The following MARCHF1 variants were observed in gnomAD, a reference collection of about 807,000 sequenced individuals.
The protein encoded by MARCHF1 is E3 ubiquitin-protein ligase MARCHF1.
Under a neutral mutation model 54.2 loss-of-function variants are expected in MARCHF1, and 40 were observed. The ratio of observed to expected loss-of-function variants is 0.74; its 90% CI spans 0.57 to 0.96. MARCHF1 has a LOEUF of 0.96. MARCHF1 is among the 40% of genes least tolerant of loss of function. The pLI, the probability that MARCHF1 is intolerant of heterozygous loss-of-function variation, is 0.00. For missense variants in MARCHF1, 586 were observed against 656.5 expected (o/e 0.89, Z 1.17); for synonymous variants, 236 against 236.3 (o/e 1.00, Z 0.01).
intron 7 of MARCHF1, among the ~76,000 whole-genome samples, chr4:163,588,896 G>A (rs1014370020): frequency 4.6e-5 from 7 of 152,036 alleles, no homozygotes; most frequent in Non-Finnish European, 1.0e-4. Context: ...TAAAGACAAT[G>A]TATGAATATT....
intron 5 of MARCHF1, among the ~76,000 whole-genome samples, chr4:163,693,000 C>T (rs1418099199): frequency 1.3e-5 from 2 of 151,300 alleles, no homozygotes; most frequent in African/African-American, 4.9e-5. Context: ...CTGGCATGGA[C>T]GTTAATATAC....
chr4:164,116,741 T>C (rs1755946677), intron 1 of MARCHF1, among the ~76,000 whole-genome samples: 1 of 151,986 alleles, frequency 6.6e-6, no homozygotes, highest in Non-Finnish European at 1.5e-5. Flanking sequence ...AACACTGTTG[T>C]AGAGAAAAAA....
At chr4:164,087,317 T>C (rs1204776374) in intron 2 of MARCHF1, among the ~76,000 whole-genome samples, 2 of 152,216 alleles carry the variant, frequency 1.3e-5, no homozygotes, top group Admixed American at 1.3e-4. Context: ...CCATCCCTTA[T>C]AGTGTGTACA....
At chr4:164,125,163 T>C (rs1424911335) in intron 1 of MARCHF1, among the ~76,000 whole-genome samples, 2 of 152,136 alleles carry the variant, frequency 1.3e-5, no homozygotes, top group African/African-American at 4.8e-5. Flanking sequence ...TTTATTCCAG[T>C]AAAGTGAGAG....
intron 1 of MARCHF1, among the ~76,000 whole-genome samples, chr4:164,257,079 G>A (rs1733308999): frequency 6.6e-6 from 1 of 151,998 alleles, no homozygotes; most frequent in Non-Finnish European, 1.5e-5. Context: ...AAGTCAAAGA[G>A]AAAGAAAAGC....
At chr4:164,176,939 G>GCACT (rs1491410602) in intron 1 of MARCHF1, among the ~76,000 whole-genome samples, 55 of 53,654 alleles carry the variant, frequency 1.0e-3, no homozygotes, top group African/African-American at 3.0e-3. Context: ...AGTACCTTGT[G>GCACT]CGCTCTCTCT....
intron 1 of MARCHF1, among the ~76,000 whole-genome samples, chr4:164,119,554 A>T (rs1053026612): frequency 1.3e-5 from 2 of 151,700 alleles, no homozygotes; most frequent in African/African-American, 4.8e-5. Context: ...AAAAATTTTA[A>T]AGATTAATAA....
At chr4:164,083,570 A>G (rs1159085848) in intron 2 of MARCHF1, among the ~76,000 whole-genome samples, 1 of 152,128 alleles carries the variant, frequency 6.6e-6, no homozygotes, top group Admixed American at 6.6e-5. Context: ...AGGTAGATGC[A>G]ATAGCTGGAA....
chr4:163,718,310 A>G (rs977279063), intron 4 of MARCHF1, among the ~76,000 whole-genome samples: 2 of 152,212 alleles, frequency 1.3e-5, no homozygotes, highest in African/African-American at 4.8e-5. Context: ...AATGGGATCT[A>G]ATTAAACTAA....
At chr4:163,833,796 C>T (rs995120075) in intron 4 of MARCHF1, among the ~76,000 whole-genome samples, 3 of 152,162 alleles carry the variant, frequency 2.0e-5, no homozygotes, top group African/African-American at 7.2e-5. Context: ...TCAGAGATCA[C>T]AATGGAAATG....
chr4:163,660,904 C>G (rs1003932377), intron 5 of MARCHF1, among the ~76,000 whole-genome samples: 15 of 151,920 alleles, frequency 9.9e-5, no homozygotes, highest in Admixed American at 6.6e-5. Context: ...TCAAAGTAGA[C>G]CTAGGTTATA....
chr4:164,086,477 C>T (rs1755194637), intron 2 of MARCHF1, among the ~76,000 whole-genome samples: 1 of 151,916 alleles, frequency 6.6e-6, no homozygotes, highest in African/African-American at 2.4e-5. Context: ...CAATATGCTT[C>T]ACTACTGTAC....
At chr4:164,214,668 A>G (rs1731877235) in intron 1 of MARCHF1, among the ~76,000 whole-genome samples, 1 of 152,228 alleles carries the variant, frequency 6.6e-6, no homozygotes, top group Non-Finnish European at 1.5e-5. Flanking sequence ...GGATTTTTAG[A>G]TAACTGTGGT....
chr4:163,738,965 C>T (rs530056298), intron 4 of MARCHF1, among the ~76,000 whole-genome samples: 1 of 152,256 alleles, frequency 6.6e-6, no homozygotes, highest in African/African-American at 2.4e-5. Flanking sequence ...GAAAAAATTC[C>T]TTAAGTCGAT....
intron 1 of MARCHF1, among the ~76,000 whole-genome samples, chr4:164,175,347 CT>C (rs994056832): frequency 2.6e-5 from 4 of 152,184 alleles, no homozygotes; most frequent in Admixed American, 2.0e-4. Flanking sequence ...ACCTTGCCCC[CT>C]ATCTTCCCAT....
At chr4:163,659,137 T>C (rs1363511494) in intron 5 of MARCHF1, among the ~76,000 whole-genome samples, 1 of 152,006 alleles carries the variant, frequency 6.6e-6, no homozygotes. Context: ...CTCATTGTCT[T>C]TTGTGTATTG....
intron 3 of MARCHF1, among the ~76,000 whole-genome samples, chr4:163,875,550 G>A (rs915721233): frequency 2.0e-5 from 3 of 152,008 alleles, no homozygotes; most frequent in Non-Finnish European, 2.9e-5. Flanking sequence ...TATCTTGCTC[G>A]GTGACAGAAT....
chr4:164,219,086 G>C (rs1320135536), intron 1 of MARCHF1, among the ~76,000 whole-genome samples: 2 of 152,060 alleles, frequency 1.3e-5, no homozygotes, highest in East Asian at 3.9e-4. Context: ...TGTTTTGCAA[G>C]AGTTGTGCAT....
chr4:163,643,620 T>C (rs187540164), intron 5 of MARCHF1, among the ~76,000 whole-genome samples: 18 of 152,346 alleles, frequency 1.2e-4, no homozygotes, highest in African/African-American at 4.3e-4. Context: ...GAAACACATT[T>C]GTATAAGTAA....
Sources: allele counts gnomAD v4.1 joint callset (sites outside exome capture counted in the v4.1 genomes callset), GRCh38; gene constraint gnomAD v4.1.1; transcripts MANE v1.5; gene names NCBI Gene and HGNC (gene_info 2026-07-23, HGNC 2026-07-21).